Variants in ABLIM2 observed in about 807,000 individuals in gnomAD.
The protein encoded by ABLIM2 is actin binding LIM protein family member 2.
Under a neutral mutation model 97.7 loss-of-function variants are expected in ABLIM2, and 53 were observed. The observed-to-expected ratio is 0.54, with a 90% CI of 0.44 to 0.68. The LOEUF is 0.68. Ranked by LOEUF, ABLIM2 falls within the 30% of genes least tolerant of loss-of-function variation. The probability of loss-of-function intolerance (pLI) is 0.00; values close to 1 mark genes in which losing one functional copy is unlikely to be tolerated. For missense variants in ABLIM2, 835 were observed against 867.2 expected (o/e 0.96, Z 0.47); for synonymous variants, 361 against 345.8 (o/e 1.04, Z -0.49).
chr4:7,971,399 T>C (rs1727905752), intron 20 of ABLIM2, among the ~76,000 whole-genome samples: 1 of 152,116 alleles, frequency 6.6e-6, no homozygotes, highest in African/African-American at 2.4e-5. Flanking sequence ...GTGGGGGTCT[T>C]TGCAGAGGGT....
At chr4:8,104,147 C>A (rs1029516820) in intron 2 of ABLIM2, among the ~76,000 whole-genome samples, 1 of 152,166 alleles carries the variant, frequency 6.6e-6, no homozygotes, top group African/African-American at 2.4e-5. Context: ...GCAGCCTGGG[C>A]GGGGGATCCC....
chr4:8,013,305 C>T (rs555980390), intron 14 of ABLIM2, among the ~76,000 whole-genome samples: 8 of 150,404 alleles, frequency 5.3e-5, no homozygotes, highest in South Asian at 2.1e-4. Flanking sequence ...TCACTGCAAC[C>T]TTTGCCTCCT....
At chr4:8,080,604 G>T in intron 5 of ABLIM2, 72 bp downstream of exon 5, 1 of 1,448,408 alleles carries the variant, frequency 6.9e-7, no homozygotes, top group Non-Finnish European at 9.2e-7. Context: ...GGGGACACGT[G>T]CAGAGTGTGG....
intron 1 of ABLIM2, among the ~76,000 whole-genome samples, chr4:8,156,688 T>C (rs1715476404): frequency 6.6e-6 from 1 of 152,228 alleles, no homozygotes; most frequent in Admixed American, 6.5e-5. Context: ...CTCCTACCAG[T>C]GCTGAGCTCT....
intron 20 of ABLIM2, among the ~76,000 whole-genome samples, chr4:7,976,997 T>G: frequency 6.6e-6 from 1 of 152,278 alleles, no homozygotes; most frequent in Admixed American, 6.5e-5. Context: ...ATGGTTTGGC[T>G]GTGTCCTCAC....
intron 20 of ABLIM2, among the ~76,000 whole-genome samples, chr4:7,967,370 T>TCTG (rs1177414291): frequency 6.6e-6 from 1 of 152,206 alleles, no homozygotes; most frequent in African/African-American, 2.4e-5. Context: ...TACAAAGGTA[T>TCTG]CTGCTGCTGT....
At chr4:8,158,498 G>A (rs1197455065) in intron 1 of ABLIM2, among the ~76,000 whole-genome samples, 182 bp downstream of exon 1, 1 of 151,998 alleles carries the variant, frequency 6.6e-6, no homozygotes, top group East Asian at 1.9e-4. Flanking sequence ...ACGCGCTCCG[G>A]GCGCAGGGCA....
chr4:8,051,562 C>A (rs1165674660), intron 8 of ABLIM2, among the ~76,000 whole-genome samples: 1,445 of 107,312 alleles, frequency 0.013, no homozygotes, highest in South Asian at 0.016. Context: ...GATTCCATCT[C>A]AAAAAAAAAA....
chr4:8,038,585 C>A (rs1365014519), intron 9 of ABLIM2, among the ~76,000 whole-genome samples: 2 of 152,192 alleles, frequency 1.3e-5, no homozygotes, highest in Non-Finnish European at 2.9e-5. Flanking sequence ...CTCCAGCCCA[C>A]CTCCTCCACG....
At chr4:8,088,609 G>GGCCCCTCCA (rs1825374935) in intron 3 of ABLIM2, among the ~76,000 whole-genome samples, 1 of 152,214 alleles carries the variant, frequency 6.6e-6, no homozygotes, top group Non-Finnish European at 1.5e-5. Flanking sequence ...CTGGGCCACC[G>GGCCCCTCCA]GCCCCTCCAG....
At chr4:7,971,150 CTG>C (rs549765613) in intron 20 of ABLIM2, among the ~76,000 whole-genome samples, 256 of 152,274 alleles carry the variant, frequency 1.7e-3, no homozygotes, top group African/African-American at 5.8e-3. Flanking sequence ...GGTCCTTACT[CTG>C]TGGCCAGCTG....
At position 8,148,405 on chromosome 4, in the gene ABLIM2, C is replaced by G. The variant is rs552256383; in HGVS notation, c.10+10275G>C. 3.3e-5 allele frequency among the ~76,000 whole-genome samples: 5 copies of G among 152,272 alleles called. No homozygotes were observed. The highest frequency in any genetic ancestry group is 7.4e-5 in the Non-Finnish European group (5 of 68,008). Reference sequence around the variant, plus strand: ...GCAGGGCCCACAGGAGGTGAGGGAGCCGCTCAGGACGCGGGGGGGCCATGG... The same window carrying G: ...GCAGGGCCCACAGGAGGTGAGGGAGGCGCTCAGGACGCGGGGGGGCCATGG... On this transcript the variant is annotated intron_variant, in intron 1 of 20. Transcript: ENST00000447017. The surrounding 1 kb of genome is among the most constrained non-coding windows in gnomAD (Gnocchi z 6.7).
chr4:7,979,890 G>C (rs1052324289), intron 20 of ABLIM2, among the ~76,000 whole-genome samples: 1 of 152,178 alleles, frequency 6.6e-6, no homozygotes, highest in Non-Finnish European at 1.5e-5. Context: ...CTTTTTCTGG[G>C]ACTGCTGAGA....
intron 1 of ABLIM2, among the ~76,000 whole-genome samples, chr4:8,107,177 T>G (rs1356645693): frequency 6.6e-6 from 1 of 152,212 alleles, no homozygotes; most frequent in Middle Eastern, 3.2e-3. Context: ...ATTGCTGCGG[T>G]CCCCTTAAAT....
At chr4:8,088,814 G>A (rs1014239025) in intron 3 of ABLIM2, among the ~76,000 whole-genome samples, 1 of 152,192 alleles carries the variant, frequency 6.6e-6, no homozygotes, top group Non-Finnish European at 1.5e-5. Flanking sequence ...CTCTATAGGT[G>A]AGAAACTGGA....
intron 14 of ABLIM2, among the ~76,000 whole-genome samples, chr4:8,013,219 CTTTTTTTTT>C (rs60424207): frequency 2.7e-5 from 3 of 110,618 alleles, no homozygotes; most frequent in South Asian, 3.2e-4. Context: ...AACATTTTTC[CTTTTTTTTT>C]TTTTTTTTTT....
chr4:8,061,821 T>A lies in ABLIM2; in HGVS notation c.676-767A>T, dbSNP rs1374086098. ...AGAAGTTTCCTAATCCCTACCTACA[T>A]CTGAATTTATAATAACCAGTTTCCT... On this transcript the variant is annotated intron_variant, in intron 6 of 20. Coordinates refer to ENST00000447017, the MANE Select transcript of ABLIM2 (RefSeq NM_001130083.2). This position sits in a 1 kb window ranked among gnomAD's most constrained non-coding sequence, Gnocchi z 4.5. 6.6e-6 allele frequency among the ~76,000 whole-genome samples: 1 copy of A among 152,080 alleles called. No homozygotes were observed. The highest frequency in any genetic ancestry group is 1.5e-5 in the Non-Finnish European group (1 of 68,008).
In ABLIM2 at chr4:8,002,564, C is replaced by A. The variant is rs1018640639; in HGVS notation, c.1618+5495G>T. Among the ~76,000 whole-genome samples the A allele has an allele frequency of 6.6e-6, 1 of 152,306 alleles. No individual in the cohort carries two copies. Among genetic ancestry groups the A allele is most frequent in the Non-Finnish European group, 1.5e-5 (1 of 68,026 alleles). ...GCTGACGTTCCCCTCCCTGGCACTG[C>A]GCTCCAGACCTTTCCTGATTGGACC... On this transcript the variant is annotated intron_variant, in intron 16 of 20. Coordinates refer to ENST00000447017, the MANE Select transcript of ABLIM2 (RefSeq NM_001130083.2). This position sits in a 1 kb window ranked among gnomAD's most constrained non-coding sequence, Gnocchi z 6.1.
intron 16 of ABLIM2, chr4:8,007,001 G>C (rs1040951468): frequency 5.6e-5 from 55 of 984,556 alleles, no homozygotes; most frequent in Non-Finnish European, 6.6e-5. Flanking sequence ...CCTGCTTACA[G>C]AGATCATACA....
Sources: allele counts gnomAD v4.1 joint callset (sites outside exome capture counted in the v4.1 genomes callset), GRCh38; gene constraint gnomAD v4.1.1; non-coding constraint Gnocchi (gnomAD v3.1); transcripts MANE v1.5; gene names NCBI Gene and HGNC (gene_info 2026-07-23, HGNC 2026-07-21).